The following MSI2 variants were observed in gnomAD, a reference collection of about 807,000 sequenced individuals.
MSI2 encodes RNA-binding protein Musashi homolog 2.
A neutral mutation model predicts 45.6 loss-of-function variants in MSI2; 17 were observed. The observed-to-expected ratio is 0.37, with a 90% confidence interval of 0.26 to 0.56. The LOEUF (loss-of-function observed/expected upper bound fraction) is 0.56, where lower values mean the gene tolerates loss of function less well. Among genes scored for constraint, MSI2 ranks in the 20% least tolerant of loss-of-function variants. The pLI is 0.77. For missense variants in MSI2, 293 were observed against 444.2 expected, an observed-to-expected ratio of 0.66 and a Z score of 3.06; for synonymous variants, 156 against 158.2, an observed-to-expected ratio of 0.99 and a Z score of 0.11.
chr17:57,259,609 T>C (rs140662921), intron 4 of MSI2, among the ~76,000 whole-genome samples: 2 of 152,362 alleles, frequency 1.3e-5, no homozygotes, highest in African/African-American at 2.4e-5. Flanking sequence ...TTAATTGTCC[T>C]GGACTTGTCA....
At chr17:57,638,660 C>T (rs903277414) in intron 10 of MSI2, among the ~76,000 whole-genome samples, 7 of 152,100 alleles carry the variant, frequency 4.6e-5, no homozygotes, top group African/African-American at 7.2e-5. Flanking sequence ...GAGGCCAAGG[C>T]GGGAGGGTTT....
chr17:57,420,559 C>T (rs1310370154), intron 6 of MSI2, among the ~76,000 whole-genome samples: 1 of 152,186 alleles, frequency 6.6e-6, no homozygotes, highest in Non-Finnish European at 1.5e-5. Context: ...GCGCAGAGCT[C>T]CGTACTTTCC....
At chr17:57,591,990 T>C (rs1375697619) in intron 7 of MSI2, among the ~76,000 whole-genome samples, 1 of 151,814 alleles carries the variant, frequency 6.6e-6, no homozygotes, top group Admixed American at 6.6e-5. Context: ...CTGGCCAACA[T>C]GGTGAAACCC....
At chr17:57,330,086 G>GT (rs1914118565) in intron 5 of MSI2, among the ~76,000 whole-genome samples, 1 of 152,042 alleles carries the variant, frequency 6.6e-6, no homozygotes, top group African/African-American at 2.4e-5. Context: ...GGATGGTAGA[G>GT]TTTCCAACTT....
chr17:57,376,171 G>A (rs1195073657), intron 5 of MSI2, among the ~76,000 whole-genome samples: 6 of 152,154 alleles, frequency 3.9e-5, no homozygotes, highest in Non-Finnish European at 2.9e-5. Flanking sequence ...TTGGCAGGTC[G>A]TCAAGACTGA....
chr17:57,308,233 A>G (rs1912080591), intron 5 of MSI2, among the ~76,000 whole-genome samples: 1 of 152,190 alleles, frequency 6.6e-6, no homozygotes, highest in Admixed American at 6.5e-5. Flanking sequence ...AGGTAAATCA[A>G]ATAATGTTAG....
intron 6 of MSI2, among the ~76,000 whole-genome samples, chr17:57,439,558 T>C (rs1055169465): frequency 2.0e-5 from 3 of 148,720 alleles, no homozygotes; most frequent in Non-Finnish European, 4.5e-5. Context: ...ATAGGCTTTG[T>C]CTTTTTTTTT....
intron 6 of MSI2, among the ~76,000 whole-genome samples, chr17:57,514,624 G>A (rs2086428359): frequency 1.3e-5 from 2 of 151,060 alleles, no homozygotes; most frequent in Non-Finnish European, 2.9e-5. Context: ...CATACTTGTT[G>A]GGTCTTGAAG....
chr17:57,378,178 A>G (rs1389650341), intron 5 of MSI2, among the ~76,000 whole-genome samples: 2 of 152,124 alleles, frequency 1.3e-5, no homozygotes, highest in African/African-American at 2.4e-5. Flanking sequence ...AATGGCGCAC[A>G]CAATCTTGGT....
In MSI2 at chr17:57,529,295, G is replaced by A. The variant is rs1334608362; in HGVS notation, c.406-381G>A. Among the ~76,000 whole-genome samples the A allele has an allele frequency of 1.3e-5, 2 of 152,056 alleles. No individual in the cohort carries two copies. The highest frequency in any genetic ancestry group is 2.9e-5 in the Non-Finnish European group (2 of 68,020). On this transcript the variant is annotated intron_variant, in intron 6 of 13. Coordinates refer to ENST00000284073, the MANE Select transcript of MSI2 (RefSeq NM_138962.4). This position sits in a 1 kb window ranked among gnomAD's most constrained non-coding sequence, Gnocchi z 5.3. ...TAAAAAAATAAAATAAAATAACTGG[G>A]CATGATGGTACATGCCTGTAGTCCC...
chr17:57,683,713 G>A lies in MSI2; in HGVS notation c.*4196G>A, dbSNP rs569376397. On this transcript the variant is annotated 3_prime_UTR_variant, in exon 14 of 14. Coordinates refer to ENST00000284073, the MANE Select transcript of MSI2 (RefSeq NM_138962.4). The surrounding 1 kb of genome is among the most constrained non-coding windows in gnomAD (Gnocchi z 5.2). ...TTTCTTGAATGTGCTTCGCAAGCCA[G>A]GCTATCTTCCAAGGAAGGCAGACAG... is the stretch of plus-strand genomic sequence containing the variant. 5.2e-4 allele frequency: 118 copies of A among 228,468 alleles called. 1 individual carries two copies. The highest frequency in any genetic ancestry group is 8.9e-4 in the Non-Finnish European group (103 of 115,748). 14.2% of individuals were successfully genotyped at this position (228,468 alleles called of 1,614,324 possible). A position where few individuals can be genotyped will look rare whatever the true frequency, so the allele number is the denominator to read the frequency against.
intron 11 of MSI2, among the ~76,000 whole-genome samples, chr17:57,654,530 A>G (rs1483513977): frequency 6.6e-6 from 1 of 152,152 alleles, no homozygotes; most frequent in East Asian, 1.9e-4. Flanking sequence ...AATTTCGAAG[A>G]CCACAAAGAC....
At chr17:57,568,935 A>T (rs576187413) in intron 7 of MSI2, among the ~76,000 whole-genome samples, 2 of 152,316 alleles carry the variant, frequency 1.3e-5, no homozygotes, top group African/African-American at 4.8e-5. Context: ...GGGGAGAAGG[A>T]GGGACAGAGG....
chr17:57,424,697 T>C (rs2084459579), intron 6 of MSI2, among the ~76,000 whole-genome samples: 1 of 152,034 alleles, frequency 6.6e-6, no homozygotes, highest in African/African-American at 2.4e-5. Flanking sequence ...TGCATGCACC[T>C]GCCAGGTGGA....
intron 5 of MSI2, among the ~76,000 whole-genome samples, chr17:57,375,476 G>A (rs1157395041): frequency 6.6e-6 from 1 of 152,224 alleles, no homozygotes; most frequent in Non-Finnish European, 1.5e-5. Flanking sequence ...TGAGCGAGTA[G>A]AAATGGTGAT....
At chr17:57,498,417 G>A (rs1279185779) in intron 6 of MSI2, among the ~76,000 whole-genome samples, 1 of 152,242 alleles carries the variant, frequency 6.6e-6, no homozygotes, top group African/African-American at 2.4e-5. Context: ...TTTGCTCCCA[G>A]GAACTGCAGA....
At chr17:57,638,963 A>G (rs1433667033) in intron 10 of MSI2, among the ~76,000 whole-genome samples, 2 of 152,194 alleles carry the variant, frequency 1.3e-5, no homozygotes, top group African/African-American at 4.8e-5. Flanking sequence ...TCTAAGATCA[A>G]GGTACCAGCA....
At chr17:57,579,392 G>A (rs1162340465) in intron 7 of MSI2, among the ~76,000 whole-genome samples, 2 of 152,210 alleles carry the variant, frequency 1.3e-5, no homozygotes, top group African/African-American at 4.8e-5. Flanking sequence ...GGTGGGAGAG[G>A]CGGTGGCTCC....
chr17:57,669,772 A>T (rs1383468212), intron 11 of MSI2, among the ~76,000 whole-genome samples: 1 of 152,192 alleles, frequency 6.6e-6, no homozygotes, highest in East Asian at 1.9e-4. Flanking sequence ...CAGTCAGCCC[A>T]AATCCCTTCT....
Sources: allele counts gnomAD v4.1 joint callset (sites outside exome capture counted in the v4.1 genomes callset), GRCh38; gene constraint gnomAD v4.1.1; non-coding constraint Gnocchi (gnomAD v3.1); transcripts MANE v1.5; gene names NCBI Gene and HGNC (gene_info 2026-07-23, HGNC 2026-07-21).